The following SPTLC1 variants were observed in gnomAD, a reference collection of about 807,000 sequenced individuals.
SPTLC1 encodes the protein serine palmitoyltransferase 1.
A neutral mutation model predicts 68.9 loss-of-function variants in SPTLC1; 55 were observed. The ratio of observed to expected loss-of-function variants is 0.80; its 90% confidence interval spans 0.64 to 1.00. The LOEUF is 1.00. Among genes scored for constraint, SPTLC1 ranks in the 50% least tolerant of loss-of-function variants. SPTLC1 has a pLI of 0.00. For missense variants in SPTLC1, 449 were observed against 573.1 expected (o/e 0.78, Z 2.21); for synonymous variants, 197 against 201.6 (o/e 0.98, Z 0.19).
chr9:92,078,096 C>T (rs1353344371), intron 5 of SPTLC1, among the ~76,000 whole-genome samples: 1 of 152,110 alleles, frequency 6.6e-6, no homozygotes, highest in East Asian at 1.9e-4. Context: ...CACCTCTGAA[C>T]CTCTTTCAAT....
intron 12 of SPTLC1, among the ~76,000 whole-genome samples, chr9:92,041,307 A>G (rs987726695): frequency 2.6e-5 from 4 of 152,244 alleles, no homozygotes; most frequent in Non-Finnish European, 2.9e-5. Flanking sequence ...TATCTTTAAT[A>G]TATTTATTGG....
chr9:92,090,283 G>C (rs1340330472), intron 3 of SPTLC1, among the ~76,000 whole-genome samples: 1 of 152,174 alleles, frequency 6.6e-6, no homozygotes, highest in African/African-American at 2.4e-5. Context: ...AGTCTAGTAA[G>C]TCCCTGTACT....
At chr9:92,036,336 A>G (rs916080457) in intron 13 of SPTLC1, among the ~76,000 whole-genome samples, 3 of 152,190 alleles carry the variant, frequency 2.0e-5, no homozygotes, top group African/African-American at 7.2e-5. Flanking sequence ...TCCTGTAAGC[A>G]TGGTATTTTA....
chr9:92,112,775 C>T (rs1308412930), intron 1 of SPTLC1, among the ~76,000 whole-genome samples: 1 of 152,136 alleles, frequency 6.6e-6, no homozygotes, highest in African/African-American at 2.4e-5. Context: ...ATATTTTTAG[C>T]TTTTAAAACT....
At chr9:92,053,079 C>T (rs180973111) in intron 8 of SPTLC1, among the ~76,000 whole-genome samples, 111 of 150,920 alleles carry the variant, frequency 7.4e-4, no homozygotes, top group African/African-American at 2.6e-3. Flanking sequence ...GGCAAAGCAC[C>T]TGAATAGATA....
At chr9:92,063,300 C>T (rs945587822) in intron 6 of SPTLC1, among the ~76,000 whole-genome samples, 46 of 152,234 alleles carry the variant, frequency 3.0e-4, no homozygotes, top group African/African-American at 1.1e-3. Context: ...AAAACACAAA[C>T]TACCTCAATT....
At chr9:92,051,737 T>C (rs1364085022) in intron 8 of SPTLC1, among the ~76,000 whole-genome samples, 2 of 152,172 alleles carry the variant, frequency 1.3e-5, no homozygotes, top group Non-Finnish European at 2.9e-5. Context: ...AAAGTATTAT[T>C]TGAGCTAATA....
intron 11 of SPTLC1, among the ~76,000 whole-genome samples, chr9:92,046,955 TTGGCTC>T (rs897182395): frequency 2.0e-5 from 3 of 152,190 alleles, no homozygotes; most frequent in Non-Finnish European, 4.4e-5. Flanking sequence ...TAGCCTTGCT[TTGGCTC>T]TGGCTCTGGC....
intron 3 of SPTLC1, among the ~76,000 whole-genome samples, chr9:92,106,169 C>G (rs983997162): frequency 6.6e-6 from 1 of 152,228 alleles, no homozygotes; most frequent in Non-Finnish European, 1.5e-5. Flanking sequence ...TGCTGTGCAA[C>G]CTTCCAAGTG....
intron 3 of SPTLC1, among the ~76,000 whole-genome samples, chr9:92,102,793 T>C (rs1351446440): frequency 6.6e-6 from 1 of 152,016 alleles, no homozygotes; most frequent in Non-Finnish European, 1.5e-5. Flanking sequence ...ATGACAGAAG[T>C]TAACTTCTTA....
At chr9:92,087,669 C>T (rs1181128283) in intron 3 of SPTLC1, among the ~76,000 whole-genome samples, 1 of 152,218 alleles carries the variant, frequency 6.6e-6, no homozygotes, top group African/African-American at 2.4e-5. Flanking sequence ...GGGTGCCTCC[C>T]AGTTAGGCTG....
intron 12 of SPTLC1, among the ~76,000 whole-genome samples, chr9:92,042,478 G>C (rs1833385014): frequency 6.6e-6 from 1 of 152,128 alleles, no homozygotes; most frequent in South Asian, 2.1e-4. Flanking sequence ...CAATAATCAA[G>C]TAGAAAATAT....
chr9:92,109,622 G>C (rs899116335), intron 2 of SPTLC1: 1 of 152,198 alleles, frequency 6.6e-6, no homozygotes, highest in African/African-American at 2.4e-5. Context: ...GGCTTTCATG[G>C]ACTTCATGTT....
chr9:92,067,871 T>C, intron 6 of SPTLC1, 95 bp downstream of exon 6: 2 of 1,450,120 alleles, frequency 1.4e-6, no homozygotes, highest in Non-Finnish European at 9.6e-7. Context: ...AGCAGCATTA[T>C]TTTATGCAGA....
chr9:92,095,052 T>C (rs1347248523), intron 3 of SPTLC1, among the ~76,000 whole-genome samples: 2 of 152,220 alleles, frequency 1.3e-5, no homozygotes, highest in South Asian at 2.1e-4. Context: ...AACTCAAAAA[T>C]TGACTAAGGA....
chr9:92,042,875 T>C (rs1267156409), intron 12 of SPTLC1, among the ~76,000 whole-genome samples: 1 of 152,226 alleles, frequency 6.6e-6, no homozygotes, highest in East Asian at 1.9e-4. Context: ...AATGGGAACC[T>C]GGTATATGAT....
chr9:92,051,328 A>G (rs2118481012), intron 8 of SPTLC1: 1 of 889,986 alleles, frequency 1.1e-6, no homozygotes, highest in African/African-American at 1.8e-5. Flanking sequence ...GGAAAAATCA[A>G]ATATGTATTA....
intron 2 of SPTLC1, chr9:92,110,572 CA>C (rs1289440044): frequency 6.6e-6 from 1 of 152,098 alleles, no homozygotes; most frequent in Non-Finnish European, 1.5e-5. Flanking sequence ...CCATATTTAC[CA>C]AATGCCATTT....
At chr9:92,043,205 C>CA (rs1587909719) in intron 12 of SPTLC1, among the ~76,000 whole-genome samples, 1 of 152,202 alleles carries the variant, frequency 6.6e-6, no homozygotes, top group East Asian at 1.9e-4. Flanking sequence ...TCAGCAGCGG[C>CA]ATGTCACAGG....
Sources: allele counts gnomAD v4.1 joint callset (sites outside exome capture counted in the v4.1 genomes callset), GRCh38; gene constraint gnomAD v4.1.1; transcripts MANE v1.5; gene names NCBI Gene and HGNC (gene_info 2026-07-23, HGNC 2026-07-21).